The following PTPRM variants were observed in gnomAD, a reference collection of about 807,000 sequenced individuals.
PTPRM encodes receptor-type tyrosine-protein phosphatase mu.
A neutral mutation model predicts 186.7 loss-of-function variants in PTPRM; 47 were observed. The observed-to-expected ratio is 0.25, with a 90% CI of 0.20 to 0.32. The LOEUF (loss-of-function observed/expected upper bound fraction) is 0.32, where lower values mean the gene tolerates loss of function less well. Ranked by LOEUF, PTPRM falls within the 10% of genes least tolerant of loss-of-function variation. The pLI is 1.00. For synonymous variants in PTPRM, 668 were observed against 674.9 expected (o/e 0.99, Z 0.16); for missense variants, 1,494 against 1,865.0 (o/e 0.80, Z 3.66).
chr18:7,657,126 C>T (rs1176416244), intron 1 of PTPRM, among the ~76,000 whole-genome samples: 1 of 152,176 alleles, frequency 6.6e-6, no homozygotes, highest in Non-Finnish European at 1.5e-5. Flanking sequence ...CTTGACTCTT[C>T]CTTTAAAAGA....
At chr18:7,628,931 C>T (rs757772295) in intron 1 of PTPRM, among the ~76,000 whole-genome samples, 45 of 152,204 alleles carry the variant, frequency 3.0e-4, no homozygotes, top group Admixed American at 1.8e-3. Context: ...TGGCAAGGTT[C>T]GCAGTTTCCA....
At chr18:8,131,234 AG>A (rs2092497859) in intron 13 of PTPRM, among the ~76,000 whole-genome samples, 1 of 152,218 alleles carries the variant, frequency 6.6e-6, no homozygotes, top group Admixed American at 6.5e-5. Flanking sequence ...TGTGGTCTCC[AG>A]GAGCACCGAA....
chr18:8,402,975 A>T (rs1296062771), intron 32 of PTPRM: 1 of 152,260 alleles, frequency 6.6e-6, no homozygotes, highest in Non-Finnish European at 1.5e-5. Context: ...CTCAAATGTC[A>T]TCAGACTTAC....
rs182258100 is a variant in PTPRM at position 8,267,199 on chromosome 18, A to C, written c.2754+13785A>C. On this transcript the variant is annotated intron_variant, in intron 19 of 32. Coordinates refer to ENST00000580170, the MANE Select transcript of PTPRM (RefSeq NM_001105244.2). The stretch of plus-strand genomic sequence containing the variant: ...AAATATTTTACTTGGCTGATTACTA[A>C]GTATATTTTAAGCTTACTTCTTGAA... 5.9e-5 allele frequency among the ~76,000 whole-genome samples: 9 copies of C among 152,318 alleles called. No homozygotes were observed. The East Asian group carries it at 1.7e-3, about 29-fold the overall frequency.
In PTPRM at chr18:8,394,578, G is replaced by A. The variant is rs371862139; in HGVS notation, c.4311G>A (p.Leu1437=). The change falls in exon 32 of 33, where the codon CTG becomes CTA. Residue 1437 remains leucine (L), a synonymous_variant. Transcript: ENST00000580170. ...TVDVFHAVKT[L]RNNKPNMVDL... The stretch of plus-strand genomic sequence containing the variant: ...ATGTCTTTCACGCTGTGAAGACACT[G>A]AGGAACAACAAGCCCAACATGGTCG... The A allele has an allele frequency of 6.2e-7, 1 of 1,612,810 alleles. No individual in the cohort carries two copies. The highest frequency in any genetic ancestry group is 8.5e-7 in the Non-Finnish European group (1 of 1,179,494).
intron 5 of PTPRM, among the ~76,000 whole-genome samples, chr18:7,944,704 C>T (rs76701732): frequency 0.022 from 3,278 of 152,238 alleles, 44 homozygotes; most frequent in African/African-American, 0.044. Flanking sequence ...TCCCCCATAG[C>T]TACCCTATAT....
chr18:8,354,730 C>G (rs1053481030), intron 23 of PTPRM, among the ~76,000 whole-genome samples: 1 of 152,188 alleles, frequency 6.6e-6, no homozygotes. Flanking sequence ...CACAGTGCCC[C>G]CCGTTAGCAC....
intron 5 of PTPRM, among the ~76,000 whole-genome samples, chr18:7,947,204 T>C (rs1026563614): frequency 6.6e-6 from 1 of 152,190 alleles, no homozygotes; most frequent in African/African-American, 2.4e-5. Flanking sequence ...GTTCCGGCGC[T>C]TGGGCGGGGC....
At chr18:8,134,997 A>G (rs2092604357) in intron 13 of PTPRM, among the ~76,000 whole-genome samples, 1 of 152,110 alleles carries the variant, frequency 6.6e-6, no homozygotes, top group African/African-American at 2.4e-5. Flanking sequence ...TCATTTGTAA[A>G]CTGGTATTAA....
At position 8,069,857 on chromosome 18, in the gene PTPRM, G is replaced by A. The variant is rs1203830180; in HGVS notation, c.1304G>A (p.Trp435Ter). ...GQEQVREEVS[W>*]DTENSHPQHT... ...GAACAAGTGCGAGAAGAAGTAAGCT[G>A]GGATACAGAAAACTCACACCCTCAA... The change falls in exon 8 of 33, where the codon TGG becomes TAG. Residue 435 changes from tryptophan (W) to a stop codon, truncating the protein, a stop_gained. Coordinates refer to ENST00000580170, the MANE Select transcript of PTPRM (RefSeq NM_001105244.2). LOFTEE classifies it high-confidence loss of function. The A allele has an allele frequency of 6.2e-7, 1 of 1,613,860 alleles. No homozygotes were observed. The highest frequency in any genetic ancestry group is 1.1e-5 in the South Asian group (1 of 91,036).
intron 19 of PTPRM, among the ~76,000 whole-genome samples, chr18:8,287,541 C>T (rs923437024): frequency 6.6e-6 from 1 of 152,190 alleles, no homozygotes; most frequent in African/African-American, 2.4e-5. Context: ...GGGTTGGAGG[C>T]TGCTCTCCAA....
chr18:8,124,386 G>A (rs2092273631), intron 13 of PTPRM, among the ~76,000 whole-genome samples: 1 of 152,134 alleles, frequency 6.6e-6, no homozygotes, highest in South Asian at 2.1e-4. Flanking sequence ...TTTTTTAAGG[G>A]ATTTATTCAT....
intron 17 of PTPRM, among the ~76,000 whole-genome samples, chr18:8,251,223 G>T (rs929607958): frequency 6.6e-6 from 1 of 152,206 alleles, no homozygotes; most frequent in Non-Finnish European, 1.5e-5. Flanking sequence ...CCACGTGAAG[G>T]ACCCAGATCA....
At chr18:7,622,392 C>T (rs1468321869) in intron 1 of PTPRM, among the ~76,000 whole-genome samples, 1 of 152,024 alleles carries the variant, frequency 6.6e-6, no homozygotes, top group Non-Finnish European at 1.5e-5. Context: ...TCATATGCTG[C>T]TATGAGAGGA....
intron 7 of PTPRM, among the ~76,000 whole-genome samples, chr18:8,037,463 A>T (rs1478655475): frequency 6.6e-6 from 1 of 152,120 alleles, no homozygotes; most frequent in Non-Finnish European, 1.5e-5. Context: ...TCTGTTGCTG[A>T]TTCAACATCT....
At chr18:8,114,569 T>A (rs1470254491) in intron 12 of PTPRM, among the ~76,000 whole-genome samples, 1 of 152,170 alleles carries the variant, frequency 6.6e-6, no homozygotes. Flanking sequence ...TATGTGTAGC[T>A]CCTTGCTCAT....
chr18:8,038,093 G>A (rs1421716307), intron 7 of PTPRM, among the ~76,000 whole-genome samples: 2 of 152,088 alleles, frequency 1.3e-5, no homozygotes, highest in African/African-American at 4.8e-5. Flanking sequence ...TTTATTGAAT[G>A]AATGAAGATG....
chr18:7,843,587 A>G (rs1443616), intron 2 of PTPRM, among the ~76,000 whole-genome samples: 100,359 of 152,060 alleles, frequency 0.66, 33,632 homozygotes, highest in East Asian at 0.96. Context: ...CTAGGCTAGC[A>G]TTTCCCAAAC....
chr18:8,346,090 G>A (rs776950870), intron 23 of PTPRM, among the ~76,000 whole-genome samples: 1 of 152,220 alleles, frequency 6.6e-6, no homozygotes, highest in Non-Finnish European at 1.5e-5. Context: ...TCTGCCGGGA[G>A]CCAGCATGGG....
Sources: allele counts gnomAD v4.1 joint callset (sites outside exome capture counted in the v4.1 genomes callset), GRCh38; gene constraint gnomAD v4.1.1; transcripts MANE v1.5; gene names NCBI Gene and HGNC (gene_info 2026-07-23, HGNC 2026-07-21).